The following PDE4D variants were observed in gnomAD, a reference collection of about 807,000 sequenced individuals.
PDE4D encodes the protein 3',5'-cyclic-AMP phosphodiesterase 4D.
PDE4D carries 24 observed loss-of-function variants against 87.4 expected under a neutral mutation model. The ratio of observed to expected loss-of-function variants is 0.27; its 90% CI spans 0.20 to 0.39. The LOEUF is 0.39. PDE4D is among the 10% of genes least tolerant of loss of function. PDE4D has a pLI of 1.00. For missense variants in PDE4D, 714 were observed against 1,041.0 expected (o/e 0.69, Z 4.32); for synonymous variants, 384 against 383.2 (o/e 1.00, Z -0.02).
chr5:59,649,904 C>CTTGTTTTTTTTTTTTTTTT (rs1561402852), intron 1 of PDE4D, among the ~76,000 whole-genome samples: 6 of 73,958 alleles, frequency 8.1e-5, no homozygotes, highest in African/African-American at 3.1e-4. Flanking sequence ...AGTTTGTGAA[C>CTTGTTTTTTTTTTTTTTTT]CTTTTTTTTT....
At chr5:59,529,405 G>T (rs1813742217) in intron 1 of PDE4D, among the ~76,000 whole-genome samples, 1 of 152,042 alleles carries the variant, frequency 6.6e-6, no homozygotes. Flanking sequence ...GTTTCACGGA[G>T]GCCAAAGTTC....
intron 1 of PDE4D, among the ~76,000 whole-genome samples, chr5:59,723,615 G>T (rs1267640240): frequency 2.0e-5 from 3 of 152,116 alleles, no homozygotes; most frequent in Non-Finnish European, 2.9e-5. Flanking sequence ...TCCCTGATAG[G>T]AATGGCAAGG....
chr5:59,619,999 T>G (rs915534581), intron 1 of PDE4D, among the ~76,000 whole-genome samples: 9 of 152,138 alleles, frequency 5.9e-5, no homozygotes, highest in Admixed American at 1.3e-4. Flanking sequence ...AGTCCATGGC[T>G]AAAGCTGGTG....
chr5:59,570,113 C>A (rs749661896), intron 1 of PDE4D, among the ~76,000 whole-genome samples: 2 of 152,138 alleles, frequency 1.3e-5, no homozygotes, highest in African/African-American at 2.4e-5. Flanking sequence ...GTATCAGGGC[C>A]CTCCTGTGAT....
chr5:59,921,188 A>G (rs1377251468), intron 3 of PDE4D, among the ~76,000 whole-genome samples: 1 of 152,178 alleles, frequency 6.6e-6, no homozygotes, highest in Non-Finnish European at 1.5e-5. Context: ...CAGGATATTA[A>G]GTGTAATAAT....
rs60487676 is a variant in PDE4D, at chr5:60,224,667, T to C, written c.-89-38980A>G. Reference sequence around the variant, plus strand: ...CAGCTGGCTTTCTTTGTGGGGAGCATTCTAAGAAATCTAAGTGAAAGCTGC... The same window carrying C: ...CAGCTGGCTTTCTTTGTGGGGAGCACTCTAAGAAATCTAAGTGAAAGCTGC... On this transcript the variant is annotated intron_variant, in intron 1 of 16. Coordinates refer to the PDE4D transcript ENST00000502484. Among the ~76,000 whole-genome samples, 38 of 152,190 alleles carry C rather than the reference T, an allele frequency of 2.5e-4. No homozygotes were observed. The East Asian group carries it at 5.8e-3, about 23-fold the overall frequency.
At chr5:59,668,845 G>GGAAGAA (rs1208323931) in intron 1 of PDE4D, among the ~76,000 whole-genome samples, 1,217 of 61,900 alleles carry the variant, frequency 0.02, 51 homozygotes, top group Non-Finnish European at 0.026. Flanking sequence ...AAGAGGAAGA[G>GGAAGAA]GAAGAAGAAG....
chr5:59,692,339 T>C (rs894956895), intron 1 of PDE4D, among the ~76,000 whole-genome samples: 10 of 152,276 alleles, frequency 6.6e-5, no homozygotes, highest in South Asian at 4.1e-4. Context: ...GGTTTGACCA[T>C]GGTTCTATAG....
chr5:59,473,902 C>A (rs1444395363), intron 1 of PDE4D, among the ~76,000 whole-genome samples: 5 of 152,106 alleles, frequency 3.3e-5, no homozygotes, highest in African/African-American at 9.7e-5. Flanking sequence ...AGTCAGTTCT[C>A]CTGAATAAAA....
chr5:60,128,065 G>A (rs1167939771), intron 2 of PDE4D, among the ~76,000 whole-genome samples: 2 of 152,136 alleles, frequency 1.3e-5, no homozygotes, highest in East Asian at 3.9e-4. Flanking sequence ...TGTCCAAGTA[G>A]TAAGATTAGG....
chr5:59,014,278 T>C (rs1380577010), intron 6 of PDE4D, among the ~76,000 whole-genome samples: 1 of 152,160 alleles, frequency 6.6e-6, no homozygotes, highest in Non-Finnish European at 1.5e-5. Flanking sequence ...TTCAACATAG[T>C]GTTGAAAGTT....
At chr5:59,730,827 G>T (rs545949966) in intron 1 of PDE4D, among the ~76,000 whole-genome samples, 1 of 152,238 alleles carries the variant, frequency 6.6e-6, no homozygotes, top group South Asian at 2.1e-4. Context: ...TCATGATTGT[G>T]CAGAAAGTGA....
intron 1 of PDE4D, among the ~76,000 whole-genome samples, chr5:59,571,899 C>T (rs1381101957): frequency 6.6e-6 from 1 of 152,194 alleles, no homozygotes; most frequent in Non-Finnish European, 1.5e-5. Flanking sequence ...ACTTATTTCA[C>T]CTGGCCCCAT....
intron 1 of PDE4D, among the ~76,000 whole-genome samples, chr5:60,274,385 G>C (rs1484155857): frequency 6.6e-6 from 1 of 151,978 alleles, no homozygotes; most frequent in South Asian, 2.1e-4. Flanking sequence ...ACGGAGTCTT[G>C]CTCTGCTACC....
At chr5:60,180,022 C>T (rs988025316) in intron 2 of PDE4D, among the ~76,000 whole-genome samples, 6 of 152,252 alleles carry the variant, frequency 3.9e-5, no homozygotes, top group Admixed American at 3.9e-4. Flanking sequence ...CTGGTAAGTA[C>T]AATATATGCA....
intron 1 of PDE4D, among the ~76,000 whole-genome samples, chr5:60,317,223 T>C (rs1755703876): frequency 6.6e-6 from 1 of 152,206 alleles, no homozygotes; most frequent in Non-Finnish European, 1.5e-5. Flanking sequence ...TGGGAGGGTG[T>C]ATTTGTCCAG....
intron 1 of PDE4D, chr5:59,586,935 A>T (rs1825235977): frequency 1.0e-6 from 1 of 985,420 alleles, no homozygotes. Context: ...ACCGTCTGAG[A>T]CGTGTCGGAC....
chr5:59,107,484 C>T (rs1771814255), intron 5 of PDE4D, among the ~76,000 whole-genome samples: 1 of 152,188 alleles, frequency 6.6e-6, no homozygotes, highest in South Asian at 2.1e-4. Flanking sequence ...GCTGGGATTA[C>T]AGGCATGAGC....
At chr5:59,491,253 T>C (rs986745511) in intron 1 of PDE4D, among the ~76,000 whole-genome samples, 5 of 152,318 alleles carry the variant, frequency 3.3e-5, no homozygotes, top group African/African-American at 1.2e-4. Flanking sequence ...AAGTTGATAA[T>C]AGCTACTTCC....
Sources: gnomAD v4.1 joint callset for allele counts (sites outside exome capture counted in the v4.1 genomes callset) on GRCh38, gnomAD v4.1.1 for gene constraint, MANE v1.5 for transcripts, NCBI Gene and HGNC (gene_info 2026-07-23, HGNC 2026-07-21) for gene names.